The following NRG3 variants were observed in gnomAD, a reference collection of about 807,000 sequenced individuals.
The protein encoded by NRG3 is neuregulin 3, also known as pro-neuregulin-3, membrane-bound isoform.
NRG3 carries 31 observed loss-of-function variants against 66.9 expected under a neutral mutation model. The observed-to-expected ratio is 0.46, with a 90% CI of 0.35 to 0.63. NRG3 has a LOEUF of 0.63. Among genes scored for constraint, NRG3 ranks in the 20% least tolerant of loss-of-function variants. The pLI, the probability that NRG3 is intolerant of heterozygous loss-of-function variation, is 0.00. For missense variants in NRG3, 910 were observed against 878.9 expected (o/e 1.04, Z -0.45); for synonymous variants, 393 against 359.4 (o/e 1.09, Z -1.06).
chr10:82,082,601 T>C (rs142172963), intron 1 of NRG3, among the ~76,000 whole-genome samples: 31 of 152,258 alleles, frequency 2.0e-4, no homozygotes, highest in Non-Finnish European at 4.1e-4. Flanking sequence ...TGGGGCTGTA[T>C]CCATGTATAG....
At chr10:81,913,084 G>GGA (rs528924853) in intron 1 of NRG3, among the ~76,000 whole-genome samples, 21 of 151,964 alleles carry the variant, frequency 1.4e-4, no homozygotes, top group African/African-American at 3.6e-4. Context: ...GACCATTGGG[G>GGA]AAAAAAAGTC....
intron 2 of NRG3, among the ~76,000 whole-genome samples, chr10:82,527,535 T>G (rs1250703034): frequency 6.6e-6 from 1 of 152,118 alleles, no homozygotes; most frequent in African/African-American, 2.4e-5. Flanking sequence ...TAAGTTATAT[T>G]TGACAAATAA....
intron 1 of NRG3, among the ~76,000 whole-genome samples, chr10:82,145,956 A>G (rs1291596209): frequency 6.6e-6 from 1 of 152,166 alleles, no homozygotes; most frequent in African/African-American, 2.4e-5. Context: ...CAGAACTTGC[A>G]TATGACTAGC....
intron 2 of NRG3, among the ~76,000 whole-genome samples, chr10:82,485,593 G>A (rs1400603773): frequency 6.6e-6 from 1 of 151,280 alleles, no homozygotes; most frequent in Admixed American, 6.6e-5. Flanking sequence ...TTTGCAACTG[G>A]CAAAGAGCAA....
intron 4 of NRG3, among the ~76,000 whole-genome samples, chr10:82,896,067 G>A (rs530386030): frequency 3.9e-5 from 6 of 152,318 alleles, no homozygotes; most frequent in East Asian, 1.9e-4. Flanking sequence ...AAGTGTTGGC[G>A]TTTGAGTGGT....
chr10:82,576,952 G>T (rs2046067008), intron 2 of NRG3, among the ~76,000 whole-genome samples: 1 of 151,710 alleles, frequency 6.6e-6, no homozygotes, highest in African/African-American at 2.4e-5. Context: ...ATTGATTCTG[G>T]ACTCTTCATC....
chr10:82,316,680 A>G (rs1045335745), intron 1 of NRG3, among the ~76,000 whole-genome samples: 1 of 152,210 alleles, frequency 6.6e-6, no homozygotes, highest in Non-Finnish European at 1.5e-5. Context: ...ATTTCATAAA[A>G]CAAAACAAAA....
intron 1 of NRG3, among the ~76,000 whole-genome samples, chr10:82,113,239 T>C (rs760992652): frequency 1.3e-5 from 2 of 152,094 alleles, no homozygotes; most frequent in Non-Finnish European, 2.9e-5. Flanking sequence ...GGGAACTGTT[T>C]TACAGGTGAG....
chr10:82,795,431 C>A (rs780088621), intron 3 of NRG3, among the ~76,000 whole-genome samples: 4 of 152,138 alleles, frequency 2.6e-5, no homozygotes, highest in Non-Finnish European at 5.9e-5. Context: ...CTATTATATT[C>A]TTTATTCAAC....
Position 82,067,846 on chromosome 10 carries a change from C to G in NRG3, c.823+191683C>G, listed in dbSNP as rs554120820. Among the ~76,000 whole-genome samples the G allele has an allele frequency of 2.0e-5, 3 of 152,312 alleles. No homozygotes were observed. The East Asian group carries it at 5.8e-4, about 29-fold the overall frequency. On this transcript the variant is annotated intron_variant, in intron 1 of 8. Transcript: ENST00000372141. ...GTCATTTCCTTTGAATAGCACTTTG[C>G]GAGTTTCACTTGACATATGGCATGG...
chr10:81,901,079 G>T (rs1163491730), intron 1 of NRG3, among the ~76,000 whole-genome samples: 1 of 152,192 alleles, frequency 6.6e-6, no homozygotes, highest in Non-Finnish European at 1.5e-5. Context: ...GTGAAGTCGG[G>T]AGCTCCAGAT....
intron 3 of NRG3, among the ~76,000 whole-genome samples, chr10:82,856,421 A>G (rs2063804578): frequency 6.6e-6 from 1 of 152,184 alleles, no homozygotes; most frequent in South Asian, 2.1e-4. Flanking sequence ...CAGTTGCACT[A>G]CTTTACAGCC....
intron 2 of NRG3, among the ~76,000 whole-genome samples, chr10:82,386,974 A>G (rs1278165342): frequency 6.6e-6 from 1 of 151,942 alleles, no homozygotes; most frequent in Non-Finnish European, 1.5e-5. Flanking sequence ...TAATTTTTGT[A>G]TTTTTAGTAG....
At chr10:81,978,682 C>T (rs1410104610) in intron 1 of NRG3, among the ~76,000 whole-genome samples, 1 of 151,914 alleles carries the variant, frequency 6.6e-6, no homozygotes, top group Non-Finnish European at 1.5e-5. Flanking sequence ...TTTTCGTAAA[C>T]TCTTAATATC....
Position 82,081,661 on chromosome 10 carries a change from G to A in NRG3, c.823+205498G>A, listed in dbSNP as rs531297371. ...CACGTATGATATTCTTTCTAAGAAT[G>A]TCTCTAGCACTTAGTCTCTGCTTTA... is the stretch of plus-strand genomic sequence containing the variant. On this transcript the variant is annotated intron_variant, in intron 1 of 8. Coordinates refer to ENST00000372141, the MANE Select transcript of NRG3 (RefSeq NM_001010848.4). Among the ~76,000 whole-genome samples the A allele has an allele frequency of 2.6e-5, 4 of 152,306 alleles. No homozygotes were observed. In the South Asian group the frequency reaches 6.2e-4, roughly 24 times the overall value.
Position 82,903,506 on chromosome 10 carries a change from T to C in NRG3, c.1054+38069T>C, listed in dbSNP as rs111682652. Among the ~76,000 whole-genome samples the C allele has an allele frequency of 1.5e-3, 233 of 152,260 alleles. 1 individual carries two copies. Among genetic ancestry groups the C allele is most frequent in the African/African-American group, 5.2e-3 (215 of 41,558 alleles). On this transcript the variant is annotated intron_variant, in intron 4 of 8. Coordinates refer to ENST00000372141, the MANE Select transcript of NRG3 (RefSeq NM_001010848.4). ...CCTGACATTATAAGAAAAAGTTAAATTGCTTGATATATACCGTGGATTGAG... is the reference window on the plus strand; with the variant it reads ...CCTGACATTATAAGAAAAAGTTAAACTGCTTGATATATACCGTGGATTGAG...
chr10:82,945,317 A>G (rs1848915648), intron 4 of NRG3, among the ~76,000 whole-genome samples: 1 of 152,176 alleles, frequency 6.6e-6, no homozygotes, highest in African/African-American at 2.4e-5. Context: ...CCAGGGTACA[A>G]GTGCTTTCAC....
chr10:82,766,314 C>G (rs1490383957), intron 3 of NRG3, among the ~76,000 whole-genome samples: 1 of 152,120 alleles, frequency 6.6e-6, no homozygotes, highest in African/African-American at 2.4e-5. Context: ...GCCTTCTCGT[C>G]TTTATTGTGA....
chr10:82,716,607 C>T (rs563215529), intron 2 of NRG3, among the ~76,000 whole-genome samples: 69 of 152,266 alleles, frequency 4.5e-4, no homozygotes, highest in African/African-American at 1.6e-3. Flanking sequence ...GATAAATTAA[C>T]GTTTCTTTGT....
Sources: gnomAD v4.1 joint callset for allele counts (sites outside exome capture counted in the v4.1 genomes callset) on GRCh38, gnomAD v4.1.1 for gene constraint, MANE v1.5 for transcripts, NCBI Gene and HGNC (gene_info 2026-07-23, HGNC 2026-07-21) for gene names.